Variants in PRKCI observed in about 807,000 individuals in gnomAD.
The protein encoded by PRKCI is protein kinase C iota type.
In PRKCI, 43 loss-of-function variants were observed where a neutral mutation model predicts 84.0. The observed-to-expected ratio is 0.51, with a 90% CI of 0.40 to 0.66. The LOEUF is 0.66. PRKCI is among the 30% of genes least tolerant of loss of function. The pLI, the probability that PRKCI is intolerant of heterozygous loss-of-function variation, is 0.00. For missense variants in PRKCI, 459 were observed against 745.6 expected (o/e 0.62, Z 4.48); for synonymous variants, 216 against 234.4 (o/e 0.92, Z 0.72).
chr3:170,242,136 G>A (rs190476986), intron 2 of PRKCI, among the ~76,000 whole-genome samples: 1 of 152,234 alleles, frequency 6.6e-6, no homozygotes, highest in Admixed American at 6.5e-5. Flanking sequence ...TAGAGACAGG[G>A]TCTTGTTACA....
At chr3:170,287,177 A>T (rs1266340075) in intron 12 of PRKCI, among the ~76,000 whole-genome samples, 8 of 152,136 alleles carry the variant, frequency 5.3e-5, no homozygotes, top group Middle Eastern at 6.8e-3. Flanking sequence ...TCTACAAAAA[A>T]TAGGAAAATT....
intron 5 of PRKCI, among the ~76,000 whole-genome samples, chr3:170,269,958 C>CAA (rs550260990): frequency 0.019 from 2,554 of 132,778 alleles, 42 homozygotes; most frequent in East Asian, 0.093. Context: ...AACTCTGTCT[C>CAA]AAAAAAAAAA....
At chr3:170,257,306 CTA>C (rs1733607742) in intron 2 of PRKCI, among the ~76,000 whole-genome samples, 1 of 152,054 alleles carries the variant, frequency 6.6e-6, no homozygotes, top group Non-Finnish European at 1.5e-5. Context: ...GAGAGATCAC[CTA>C]GAATAAGGAC....
At chr3:170,256,295 G>C (rs921558445) in intron 2 of PRKCI, among the ~76,000 whole-genome samples, 1 of 152,178 alleles carries the variant, frequency 6.6e-6, no homozygotes, top group African/African-American at 2.4e-5. Flanking sequence ...GAAGCCATTG[G>C]ATCCTGGGCT....
At chr3:170,274,566 C>T (rs943978739) in intron 7 of PRKCI, among the ~76,000 whole-genome samples, 2 of 152,098 alleles carry the variant, frequency 1.3e-5, no homozygotes, top group African/African-American at 2.4e-5. Context: ...ACCTTAAACA[C>T]GTATCTGGGA....
rs1014153625 is a variant in PRKCI, at chr3:170,305,898, G to T, written c.*2771G>T. ...TTTTGTCATGTAGAATACTACTGTGGTCATCATAATGTAATCTATTTCTGT... is the reference window on the plus strand; with the variant it reads ...TTTTGTCATGTAGAATACTACTGTGTTCATCATAATGTAATCTATTTCTGT... On this transcript the variant is annotated 3_prime_UTR_variant, in exon 18 of 18. Transcript: ENST00000295797. The T allele has an allele frequency of 1.3e-5, 2 of 149,506 alleles. No individual in the cohort carries two copies. Among genetic ancestry groups the T allele is most frequent in the African/African-American group, 2.5e-5 (1 of 40,754 alleles). The allele number at this position is 149,506 out of a possible 1,614,324, so 9.3% of individuals were successfully genotyped here. A position where few individuals can be genotyped will look rare whatever the true frequency, so the allele number is the denominator to read the frequency against.
rs1421520845 is a variant in PRKCI, at chr3:170,304,915, A to T, written c.*1788A>T. 1 of 152,136 alleles carries T rather than the reference A, an allele frequency of 6.6e-6. No individual in the cohort carries two copies. The highest frequency in any genetic ancestry group is 6.6e-5 in the Admixed American group (1 of 15,258). 9.4% of individuals were successfully genotyped at this position (152,136 alleles called of 1,614,324 possible). ...AAATTATCTTTTTTTGGAGGGGTGG[A>T]TGCTGCATTTCATTGGAAATGTCAT... On this transcript the variant is annotated 3_prime_UTR_variant, in exon 18 of 18. Coordinates refer to ENST00000295797, the MANE Select transcript of PRKCI (RefSeq NM_002740.6).
chr3:170,272,308 A>G (rs999812884), intron 6 of PRKCI, among the ~76,000 whole-genome samples: 1 of 152,214 alleles, frequency 6.6e-6, no homozygotes, highest in African/African-American at 2.4e-5. Flanking sequence ...AAATACCTGG[A>G]TGCATCTTTC....
intron 2 of PRKCI, 52 bp downstream of exon 2, chr3:170,235,403 A>G (rs200052880): frequency 6.3e-7 from 1 of 1,583,322 alleles, no homozygotes; most frequent in Non-Finnish European, 8.6e-7. Context: ...ATCTTATTCT[A>G]TCATTTGTTG....
intron 1 of PRKCI, among the ~76,000 whole-genome samples, chr3:170,226,514 A>T (rs1054955085): frequency 5.3e-5 from 8 of 152,314 alleles, no homozygotes; most frequent in African/African-American, 1.9e-4. Flanking sequence ...TACATTATAT[A>T]TGTATGGAAA....
At chr3:170,284,868 GA>G (rs1206988590) in intron 12 of PRKCI, among the ~76,000 whole-genome samples, 1 of 152,012 alleles carries the variant, frequency 6.6e-6, no homozygotes, top group Non-Finnish European at 1.5e-5. Context: ...AGACAATTTG[GA>G]AATAAAAATT....
chr3:170,280,983 A>G (rs1734229838), intron 9 of PRKCI, among the ~76,000 whole-genome samples, 183 bp from the exon 10 acceptor site: 1 of 152,218 alleles, frequency 6.6e-6, no homozygotes, highest in Non-Finnish European at 1.5e-5. Flanking sequence ...CAGTTTTATA[A>G]TACTGAAAGA....
chr3:170,238,464 C>T (rs1163768807), intron 2 of PRKCI, among the ~76,000 whole-genome samples: 3 of 144,146 alleles, frequency 2.1e-5, no homozygotes, highest in Admixed American at 6.9e-5. Flanking sequence ...CATCATTACT[C>T]TTTTTTTTTT....
intron 2 of PRKCI, among the ~76,000 whole-genome samples, chr3:170,245,669 C>T (rs1393654677): frequency 6.6e-6 from 1 of 151,844 alleles, no homozygotes; most frequent in Non-Finnish European, 1.5e-5. Flanking sequence ...TCCTTACTCT[C>T]ACTTCTCCAT....
At chr3:170,238,504 G>A (rs1733039001) in intron 2 of PRKCI, among the ~76,000 whole-genome samples, 1 of 147,280 alleles carries the variant, frequency 6.8e-6, no homozygotes, top group African/African-American at 2.5e-5. Context: ...ACATATTATA[G>A]ATGTTTCATG....
intron 4 of PRKCI, among the ~76,000 whole-genome samples, chr3:170,267,298 A>G (rs1733883044): frequency 6.6e-6 from 1 of 152,194 alleles, no homozygotes; most frequent in South Asian, 2.1e-4. Context: ...TCGGTGAAAG[A>G]TGCAGGTGTC....
chr3:170,292,291 G>A (rs1263822049), intron 13 of PRKCI, among the ~76,000 whole-genome samples: 3 of 152,062 alleles, frequency 2.0e-5, no homozygotes, highest in Non-Finnish European at 2.9e-5. Context: ...ACTGACATAC[G>A]GAAAGTTTAA....
chr3:170,256,084 G>C (rs1214347383), intron 2 of PRKCI, among the ~76,000 whole-genome samples: 1 of 152,134 alleles, frequency 6.6e-6, no homozygotes, highest in Non-Finnish European at 1.5e-5. Context: ...CAGTTTGCTA[G>C]TGTTTTGTTG....
intron 2 of PRKCI, among the ~76,000 whole-genome samples, chr3:170,239,399 GCTT>G (rs1477784073): frequency 2.6e-5 from 4 of 152,104 alleles, no homozygotes; most frequent in South Asian, 2.1e-4. Flanking sequence ...TCAATAAAAT[GCTT>G]CTTATCATAA....
Sources: gnomAD v4.1 joint callset for allele counts (sites outside exome capture counted in the v4.1 genomes callset) on GRCh38, gnomAD v4.1.1 for gene constraint, MANE v1.5 for transcripts, NCBI Gene and HGNC (gene_info 2026-07-23, HGNC 2026-07-21) for gene names.